Variants in ANK2 observed in about 807,000 individuals in gnomAD.
The protein encoded by ANK2 is ankyrin-2.
ANK2 carries 83 observed loss-of-function variants against 360.5 expected under a neutral mutation model. That is an observed-to-expected ratio of 0.23 (90% CI 0.19 to 0.28). The LOEUF (loss-of-function observed/expected upper bound fraction) is 0.28, where lower values mean the gene tolerates loss of function less well. Among genes scored for constraint, ANK2 ranks in the 10% least tolerant of loss-of-function variants. The pLI is 1.00. For synonymous variants in ANK2, 1,740 were observed against 1,759.5 expected, an observed-to-expected ratio of 0.99 and a Z score of 0.28; for missense variants, 4,201 against 4,795.7, an observed-to-expected ratio of 0.88 and a Z score of 3.66.
chr4:113,328,066 A>G (rs908295187), intron 26 of ANK2, among the ~76,000 whole-genome samples: 5 of 152,214 alleles, frequency 3.3e-5, no homozygotes, highest in African/African-American at 7.2e-5. Context: ...TCCATGTTAT[A>G]TAGGCCATAA....
intron 15 of ANK2, 72 bp downstream of exon 15, chr4:113,274,721 TA>T: frequency 1.3e-6 from 2 of 1,512,524 alleles, no homozygotes; most frequent in Non-Finnish European, 1.8e-6. Context: ...CTCTACCACA[TA>T]CAGAATCAAG....
At position 113,195,363 on chromosome 4, in the gene ANK2, ACTCACAGT is replaced by A. The variant is rs71904673; in HGVS notation, c.187-1003_187-996del. 6.1e-3 allele frequency among the ~76,000 whole-genome samples: 927 copies of A among 152,150 alleles called. 4 individuals carry two copies. The highest frequency in any genetic ancestry group is 0.021 in the African/African-American group (877 of 41,500). ...TTTCTTTTTTTACATTCTGAGTATG[ACTCACAGT>A]CATTCTTAGATAAGTACTCTTCTAT... is the stretch of plus-strand genomic sequence containing the variant. On this transcript the variant is annotated intron_variant, in intron 2 of 45. Transcript: ENST00000357077.
chr4:112,739,122 G>A, the ANK2 span: 10 of 441,448 alleles, frequency 2.3e-5, 1 homozygote, highest in South Asian at 9.6e-5. Context: ...TCATATGCAC[G>A]TTTTGTGTTT....
chr4:112,855,040 C>T (rs970129371), intron 1 of ANK2, among the ~76,000 whole-genome samples: 4 of 152,166 alleles, frequency 2.6e-5, no homozygotes, highest in African/African-American at 9.7e-5. Flanking sequence ...GCAATATTAG[C>T]ATCCTAATAT....
At chr4:112,816,168 A>G (rs1038721556), upstream of ANK2, among the ~76,000 whole-genome samples, 1 of 152,184 alleles carries the variant, frequency 6.6e-6, no homozygotes, top group Non-Finnish European at 1.5e-5. Flanking sequence ...AATTGAATTA[A>G]ATTGTAGGGC....
intron 13 of ANK2, 52 bp downstream of exon 13, chr4:113,258,463 A>G (rs757332202): frequency 1.3e-6 from 2 of 1,542,962 alleles, no homozygotes; most frequent in African/African-American, 1.4e-5. Context: ...CGAGAGGAAC[A>G]GAGATTGTGG....
intron 23 of ANK2, among the ~76,000 whole-genome samples, chr4:113,304,648 C>A (rs1401559440): frequency 6.6e-6 from 1 of 152,100 alleles, no homozygotes; most frequent in Admixed American, 6.6e-5. Flanking sequence ...GTGAACATGA[C>A]AATAACTAAG....
intron 2 of ANK2, among the ~76,000 whole-genome samples, chr4:112,943,606 G>A (rs964578804): frequency 8.6e-5 from 13 of 151,824 alleles, no homozygotes; most frequent in African/African-American, 2.2e-4. Context: ...TAAAACAGTC[G>A]CATTAGAAAT....
intron 2 of ANK2, among the ~76,000 whole-genome samples, chr4:113,010,590 A>G (rs1054837935): frequency 2.0e-5 from 3 of 152,088 alleles, no homozygotes; most frequent in Admixed American, 2.0e-4. Flanking sequence ...ATAAAGAAAC[A>G]AATGAGACCA....
upstream of ANK2, among the ~76,000 whole-genome samples, chr4:113,045,255 A>G (rs762775132): frequency 1.3e-5 from 2 of 152,354 alleles, no homozygotes; most frequent in African/African-American, 2.4e-5. Flanking sequence ...CTCCATGCCT[A>G]TAAAATATGC....
At chr4:113,335,708 A>C in intron 29 of ANK2, 138 bp from the exon 30 acceptor site, 1 of 900,462 alleles carries the variant, frequency 1.1e-6, no homozygotes, top group Non-Finnish European at 1.8e-6. Flanking sequence ...CTTGCTTTTT[A>C]AAATTGTCCT....
intron 5 of ANK2, among the ~76,000 whole-genome samples, chr4:113,236,726 C>T (rs773225964): frequency 6.6e-6 from 1 of 152,146 alleles, no homozygotes; most frequent in African/African-American, 2.4e-5. Flanking sequence ...TACATTTGAG[C>T]ACATCCTGTA....
chr4:113,011,278 G>A lies in ANK2; in HGVS notation c.21+106764G>A, dbSNP rs557173452. Among the ~76,000 whole-genome samples, 8 of 152,128 alleles carry A rather than the reference G, an allele frequency of 5.3e-5. No homozygotes were observed. In the South Asian group the frequency reaches 1.2e-3, roughly 24 times the overall value. ...ATGTTTTTCTAGACATATATTTGTG[G>A]ACATTAGTGATCATTTTCTTAGGAT... is the stretch of plus-strand genomic sequence containing the variant. On this transcript the variant is annotated intron_variant, in intron 2 of 30. Transcript: ENST00000503271.
At chr4:112,903,413 G>C (rs1318113501) in intron 1 of ANK2, among the ~76,000 whole-genome samples, 1 of 152,146 alleles carries the variant, frequency 6.6e-6, no homozygotes, top group Non-Finnish European at 1.5e-5. Context: ...TGCTATAATT[G>C]GTCCAGGGAT....
At chr4:112,867,980 C>G (rs2071350357) in intron 1 of ANK2, among the ~76,000 whole-genome samples, 1 of 152,152 alleles carries the variant, frequency 6.6e-6, no homozygotes, top group Admixed American at 6.5e-5. Flanking sequence ...AACTGCTAGA[C>G]TGTTTTCCAA....
rs1344908749 is a variant in ANK2, at chr4:113,249,647, A to T, written c.892-117A>T. On this transcript the variant is annotated intron_variant, in intron 9 of 45. Transcript: ENST00000357077. Reference sequence around the variant, plus strand: ...TTATTTAACAAATTGCAGTTCTATTACTTATTTATTGAGTAATCAGGATTG... The same window carrying T: ...TTATTTAACAAATTGCAGTTCTATTTCTTATTTATTGAGTAATCAGGATTG... The T allele has an allele frequency of 3.3e-6, 3 of 907,658 alleles. No individual in the cohort carries two copies. The African/African-American group carries it at 4.9e-5, about 15-fold the overall frequency. The allele number at this position is 907,658 out of a possible 1,614,324, so 56.2% of individuals were successfully genotyped here.
chr4:112,970,364 A>C (rs1582211460), intron 2 of ANK2, among the ~76,000 whole-genome samples: 1 of 151,226 alleles, frequency 6.6e-6, no homozygotes, highest in East Asian at 2.0e-4. Flanking sequence ...TAATTAATTA[A>C]TTATTTTAAA....
intron 1 of ANK2, among the ~76,000 whole-genome samples, chr4:112,889,069 A>G (rs1195695663): frequency 6.6e-6 from 1 of 152,166 alleles, no homozygotes; most frequent in East Asian, 1.9e-4. Flanking sequence ...GTGAATTATA[A>G]TTTCTAGTTT....
intron 2 of ANK2, among the ~76,000 whole-genome samples, chr4:113,041,054 C>T (rs900910972): frequency 6.6e-5 from 10 of 152,036 alleles, no homozygotes; most frequent in Non-Finnish European, 1.2e-4. Context: ...CTGTCCACCC[C>T]TCATCATCAT....
Sources: gnomAD v4.1 joint callset for allele counts (sites outside exome capture counted in the v4.1 genomes callset) on GRCh38, gnomAD v4.1.1 for gene constraint, MANE v1.5 for transcripts, NCBI Gene and HGNC (gene_info 2026-07-23, HGNC 2026-07-21) for gene names.